STXBP5L: variants seen among roughly 807,000 people sequenced by gnomAD.
STXBP5L encodes syntaxin binding protein 5L.
Under a neutral mutation model 144.5 loss-of-function variants are expected in STXBP5L, and 65 were observed. The ratio of observed to expected loss-of-function variants is 0.45; its 90% CI spans 0.37 to 0.55. The LOEUF is 0.55. Among genes scored for constraint, STXBP5L ranks in the 20% least tolerant of loss-of-function variants. The probability of loss-of-function intolerance (pLI) is 0.00; values close to 1 mark genes in which losing one functional copy is unlikely to be tolerated. For missense variants in STXBP5L, 1,298 were observed against 1,405.5 expected, an observed-to-expected ratio of 0.92 and a Z score of 1.22; for synonymous variants, 505 against 469.6, an observed-to-expected ratio of 1.08 and a Z score of -0.97.
At position 121,082,975 on chromosome 3, in the gene STXBP5L, G is replaced by A. The variant is rs145372256; in HGVS notation, c.471-31950G>A. On this transcript the variant is annotated intron_variant, in intron 5 of 26. Coordinates refer to ENST00000471454, the MANE Select transcript of STXBP5L (RefSeq NM_001308330.2). ...GCACTTTGGGAGGCTGAGGCAGGCA[G>A]ATTACGAGGTCAAGAGATCAAGACA... Among the ~76,000 whole-genome samples, 430 of 152,208 alleles carry A rather than the reference G, an allele frequency of 2.8e-3. 1 individual carries two copies. The highest frequency in any genetic ancestry group is 0.01 in the African/African-American group (420 of 41,540).
chr3:120,977,347 G>A (rs551672732), intron 3 of STXBP5L, among the ~76,000 whole-genome samples: 3 of 152,044 alleles, frequency 2.0e-5, no homozygotes, highest in South Asian at 4.2e-4. Flanking sequence ...AGTCTGTTTT[G>A]TCAGAGAGTA....
intron 20 of STXBP5L, among the ~76,000 whole-genome samples, chr3:121,352,693 C>A (rs563674885): frequency 1.3e-5 from 2 of 152,056 alleles, no homozygotes; most frequent in Admixed American, 1.3e-4. Context: ...TGCCTGATTG[C>A]CCTGGCCAGA....
intron 20 of STXBP5L, among the ~76,000 whole-genome samples, chr3:121,356,737 C>G (rs535324289): frequency 2.6e-5 from 4 of 152,320 alleles, no homozygotes; most frequent in African/African-American, 9.6e-5. Context: ...CCAAGTACCT[C>G]AATAGGAAAT....
At chr3:121,266,932 A>G (rs997614093) in intron 18 of STXBP5L, among the ~76,000 whole-genome samples, 7 of 152,194 alleles carry the variant, frequency 4.6e-5, no homozygotes, top group Non-Finnish European at 1.0e-4. Flanking sequence ...CTTCAAGGAG[A>G]ACTACAAACC....
intron 7 of STXBP5L, among the ~76,000 whole-genome samples, chr3:121,144,981 A>G (rs2877412): frequency 6.6e-6 from 1 of 151,830 alleles, no homozygotes; most frequent in African/African-American, 2.4e-5. Flanking sequence ...AAAGAGTGTA[A>G]TGGTGGCTGA....
At chr3:121,143,577 A>T (rs975947205) in intron 7 of STXBP5L, among the ~76,000 whole-genome samples, 4 of 151,864 alleles carry the variant, frequency 2.6e-5, no homozygotes, top group Non-Finnish European at 4.4e-5. Flanking sequence ...TACAATAATT[A>T]ATGTAGTATG....
intron 10 of STXBP5L, among the ~76,000 whole-genome samples, chr3:121,212,243 CT>C (rs772516320): frequency 1.3e-5 from 2 of 152,050 alleles, no homozygotes; most frequent in Non-Finnish European, 2.9e-5. Flanking sequence ...TTAATTTTGC[CT>C]TTTGTTGCCA....
At chr3:120,961,891 C>A (rs1938875924) in intron 3 of STXBP5L, among the ~76,000 whole-genome samples, 1 of 152,226 alleles carries the variant, frequency 6.6e-6, no homozygotes, top group Admixed American at 6.5e-5. Flanking sequence ...CTCCCACCAA[C>A]AGTGTAAATG....
intron 22 of STXBP5L, among the ~76,000 whole-genome samples, chr3:121,405,203 C>T (rs2046968522): frequency 6.6e-6 from 1 of 152,088 alleles, no homozygotes; most frequent in Admixed American, 6.6e-5. Context: ...GGGGCTTTAA[C>T]ATATGATTTT....
At chr3:121,359,714 C>T (rs1396746479) in intron 20 of STXBP5L, among the ~76,000 whole-genome samples, 1 of 151,972 alleles carries the variant, frequency 6.6e-6, no homozygotes, top group Admixed American at 6.6e-5. Flanking sequence ...GTCTTTTCTG[C>T]AGCATATGTT....
At chr3:121,188,404 A>G (rs901621888) in intron 9 of STXBP5L, among the ~76,000 whole-genome samples, 5 of 152,118 alleles carry the variant, frequency 3.3e-5, no homozygotes, top group African/African-American at 1.2e-4. Flanking sequence ...GCTCAACTAC[A>G]TGGAAACTGA....
intron 20 of STXBP5L, among the ~76,000 whole-genome samples, chr3:121,352,912 A>C (rs2045351663): frequency 6.6e-6 from 1 of 152,240 alleles, no homozygotes; most frequent in African/African-American, 2.4e-5. Flanking sequence ...GTTTTGTCAA[A>C]GGCCTTTTCT....
At chr3:121,207,745 C>T (rs2048394707) in intron 10 of STXBP5L, among the ~76,000 whole-genome samples, 1 of 152,208 alleles carries the variant, frequency 6.6e-6, no homozygotes, top group Non-Finnish European at 1.5e-5. Flanking sequence ...CTCATCATCA[C>T]TGGCCATCAG....
At chr3:121,350,187 G>A (rs1236112851) in intron 20 of STXBP5L, among the ~76,000 whole-genome samples, 24 of 152,138 alleles carry the variant, frequency 1.6e-4, no homozygotes, top group Admixed American at 1.5e-3. Flanking sequence ...TTACTTGTCT[G>A]TAAAGGATCT....
At chr3:120,997,137 C>T (rs575397738) in intron 3 of STXBP5L, among the ~76,000 whole-genome samples, 10 of 151,740 alleles carry the variant, frequency 6.6e-5, no homozygotes, top group Admixed American at 3.3e-4. Flanking sequence ...TTTTTTATGG[C>T]TGCATAATTT....
chr3:121,136,200 G>T lies in STXBP5L; in HGVS notation c.669+14496G>T, dbSNP rs2045250209. ...AACACCAGGCAGCACAGCACAGAGA[G>T]AAAAATCATTCACTTGGCGAAGGAA... On this transcript the variant is annotated intron_variant, in intron 7 of 26. Transcript: ENST00000471454. 5.3e-5 allele frequency among the ~76,000 whole-genome samples: 8 copies of T among 152,158 alleles called. No homozygotes were observed. The South Asian group carries it at 1.7e-3, about 32-fold the overall frequency.
intron 3 of STXBP5L, among the ~76,000 whole-genome samples, chr3:120,979,397 G>A (rs148911439): frequency 9.2e-5 from 14 of 152,270 alleles, no homozygotes; most frequent in African/African-American, 2.4e-4. Context: ...TAAGCCTGTC[G>A]GAAAAGCGCA....
chr3:121,084,007 A>G (rs561371671), intron 5 of STXBP5L, among the ~76,000 whole-genome samples: 1 of 151,634 alleles, frequency 6.6e-6, no homozygotes, highest in Admixed American at 6.6e-5. Flanking sequence ...AGATTTTTCT[A>G]TTTTATGTAA....
At position 121,045,854 on chromosome 3, in the gene STXBP5L, T is replaced by C. The variant is rs546419098; in HGVS notation, c.470+319T>C. Among the ~76,000 whole-genome samples the C allele has an allele frequency of 6.3e-4, 96 of 152,280 alleles. 1 individual carries two copies. The South Asian group carries it at 0.019, about 31-fold the overall frequency. ...TTCCTATTAATATTTACAGGCCTTT[T>C]ATTTCTTTCTCTTGCATGATTGCTC... On this transcript the variant is annotated intron_variant, in intron 5 of 26. Transcript: ENST00000471454.
Sources: gnomAD v4.1 joint callset for allele counts (sites outside exome capture counted in the v4.1 genomes callset) on GRCh38, gnomAD v4.1.1 for gene constraint, MANE v1.5 for transcripts, NCBI Gene and HGNC (gene_info 2026-07-23, HGNC 2026-07-21) for gene names.